Variants in SRL observed in about 807,000 individuals in gnomAD.
The protein encoded by SRL is sarcalumenin.
A neutral mutation model predicts 39.5 loss-of-function variants in SRL; 23 were observed. The ratio of observed to expected loss-of-function variants is 0.58; its 90% CI spans 0.42 to 0.82. The LOEUF (loss-of-function observed/expected upper bound fraction) is 0.82. Among genes scored for constraint, SRL ranks in the 40% least tolerant of loss-of-function variants. The probability of loss-of-function intolerance (pLI) is 0.00; values close to 1 mark genes in which losing one functional copy is unlikely to be tolerated. For synonymous variants in SRL, 272 were observed against 237.4 expected, an observed-to-expected ratio of 1.15 and a Z score of -1.34; for missense variants, 592 against 607.8, an observed-to-expected ratio of 0.97 and a Z score of 0.27.
At chr16:4,212,132 G>A (rs1247770381) in intron 1 of SRL, among the ~76,000 whole-genome samples, 2 of 152,190 alleles carry the variant, frequency 1.3e-5, no homozygotes, top group Admixed American at 6.5e-5. Context: ...GTGTGCATAT[G>A]TGTATGCACA....
chr16:4,232,400 C>G (rs2052668797), intron 1 of SRL, among the ~76,000 whole-genome samples: 1 of 152,194 alleles, frequency 6.6e-6, no homozygotes, highest in Non-Finnish European at 1.5e-5. Flanking sequence ...CTGGTGGACA[C>G]AGGGACACAG....
At chr16:4,209,533 C>T (rs556001132) in intron 1 of SRL, among the ~76,000 whole-genome samples, 2 of 152,190 alleles carry the variant, frequency 1.3e-5, no homozygotes, top group Non-Finnish European at 2.9e-5. Context: ...CCATCTCTCC[C>T]TCCCACAAAG....
chr16:4,219,806 G>A (rs185196514), intron 1 of SRL, among the ~76,000 whole-genome samples: 39 of 152,168 alleles, frequency 2.6e-4, no homozygotes, highest in Admixed American at 1.5e-3. Flanking sequence ...TTAGCTCCCT[G>A]CATTCAGCAT....
rs2052074007 is a variant in SRL at position 4,192,152 on chromosome 16, C to T, written c.*1G>A. On this transcript the variant is annotated 3_prime_UTR_variant, in exon 6 of 6. Transcript: ENST00000399609. The surrounding 1 kb of genome is among the most constrained non-coding windows in gnomAD (Gnocchi z 4.0). ...CAGGAACCCAAGGACCGCTCCACCA[C>T]CTAGTGCTTCCTGTAGCGATTTTTT... The T allele has an allele frequency of 1.3e-6, 2 of 1,545,382 alleles. No individual in the cohort carries two copies. The highest frequency in any genetic ancestry group is 1.4e-5 in the African/African-American group (1 of 72,654).
intron 1 of SRL, among the ~76,000 whole-genome samples, chr16:4,232,509 T>A (rs1029621325): frequency 1.3e-5 from 2 of 151,972 alleles, no homozygotes; most frequent in African/African-American, 4.8e-5. Flanking sequence ...TATTGCCATC[T>A]AGACGAATTT....
chr16:4,220,610 G>C (rs565472829), intron 1 of SRL, among the ~76,000 whole-genome samples: 12 of 152,300 alleles, frequency 7.9e-5, no homozygotes, highest in Non-Finnish European at 1.8e-4. Flanking sequence ...CAAGTTGCCT[G>C]GCTCCCTCTC....
intron 1 of SRL, 92 bp from the exon 2 acceptor site, chr16:4,204,726 G>T: frequency 1.9e-6 from 2 of 1,055,474 alleles, no homozygotes; most frequent in Non-Finnish European, 2.9e-6. Context: ...TGGGCCTCAA[G>T]CAGGGGCTCA....
At chr16:4,209,090 T>C (rs936034029) in intron 1 of SRL, among the ~76,000 whole-genome samples, 2 of 152,080 alleles carry the variant, frequency 1.3e-5, no homozygotes, top group African/African-American at 4.8e-5. Flanking sequence ...CTGGCCAACA[T>C]GGTGAAACCC....
chr16:4,238,656 G>A (rs1467738345), intron 1 of SRL, among the ~76,000 whole-genome samples: 2 of 147,904 alleles, frequency 1.4e-5, no homozygotes, highest in South Asian at 2.1e-4. Context: ...ACAAGGTCTC[G>A]CTCTGTCACC....
chr16:4,232,730 T>C (rs968726264), intron 1 of SRL, among the ~76,000 whole-genome samples: 3 of 152,216 alleles, frequency 2.0e-5, no homozygotes, highest in Non-Finnish European at 2.9e-5. Context: ...CAAGGTACTC[T>C]TGAACTCCTG....
At chr16:4,236,506 C>G (rs1042884108) in intron 1 of SRL, among the ~76,000 whole-genome samples, 1 of 152,008 alleles carries the variant, frequency 6.6e-6, no homozygotes, top group Non-Finnish European at 1.5e-5. Context: ...GACCTCAGAG[C>G]CTCCCTCTCA....
chr16:4,230,766 C>A (rs2052652518), intron 1 of SRL, among the ~76,000 whole-genome samples: 1 of 152,056 alleles, frequency 6.6e-6, no homozygotes, highest in African/African-American at 2.4e-5. Context: ...TAGGTGGGCC[C>A]TAAACCCAAC....
chr16:4,201,393 C>T (rs1027713140), intron 3 of SRL, among the ~76,000 whole-genome samples: 2 of 151,704 alleles, frequency 1.3e-5, no homozygotes, highest in Non-Finnish European at 2.9e-5. Context: ...TCTCGTACCT[C>T]AGCTTCCCCA....
chr16:4,228,087 A>C (rs2052612146), intron 1 of SRL, among the ~76,000 whole-genome samples: 1 of 152,204 alleles, frequency 6.6e-6, no homozygotes, highest in African/African-American at 2.4e-5. Context: ...TGCTGGTCTA[A>C]GGAGGGCAGC....
chr16:4,232,871 G>A (rs2052674401), intron 1 of SRL, among the ~76,000 whole-genome samples: 1 of 152,206 alleles, frequency 6.6e-6, no homozygotes, highest in Admixed American at 6.5e-5. Context: ...ATGACTACCT[G>A]AAGGAGGACC....
At chr16:4,196,421 C>G (rs2052143056) in intron 4 of SRL, among the ~76,000 whole-genome samples, 1 of 152,032 alleles carries the variant, frequency 6.6e-6, no homozygotes, top group Non-Finnish European at 1.5e-5. Flanking sequence ...TCCTCTTCCC[C>G]CAGTCCCTGG....
chr16:4,190,906 C>T lies in SRL; in HGVS notation c.*1247G>A, dbSNP rs2240668. On this transcript the variant is annotated 3_prime_UTR_variant, in exon 6 of 6. Coordinates refer to ENST00000399609, the MANE Select transcript of SRL (RefSeq NM_001098814.2). ...GCAACTCCGCTGCCAAGTGTTTCCA[C>T]AGGGGAGTTGTGGAAACAGCCTCCT... The T allele has an allele frequency of 0.84, 130,762 of 156,292 alleles. 55,300 individuals carry two copies. Among genetic ancestry groups the T allele is most frequent in the African/African-American group, 0.94 (39,039 of 41,718 alleles). 9.7% of individuals were successfully genotyped at this position (156,292 alleles called of 1,614,324 possible). A position where few individuals can be genotyped will look rare whatever the true frequency, so the allele number is the denominator to read the frequency against.
At chr16:4,241,873 G>A (rs960227042) in intron 1 of SRL, 134 bp downstream of exon 1, 4 of 886,552 alleles carry the variant, frequency 4.5e-6, no homozygotes. Flanking sequence ...GAAAAGAGAA[G>A]GGTAAGAAGA....
chr16:4,241,868 G>T lies in SRL; in HGVS notation c.61+139C>A, dbSNP rs980140057. The T allele has an allele frequency of 2.4e-5, 21 of 862,850 alleles. No homozygotes were observed. The African/African-American group carries it at 3.0e-4, about 13-fold the overall frequency. The allele number at this position is 862,850 out of a possible 1,614,324, so 53.4% of individuals were successfully genotyped here. ...TCTGAGGCCCCAGGCCCGGGGAAAA[G>T]AGAAGGGTAAGAAGACACCAGCCAA... On this transcript the variant is annotated intron_variant, in intron 1 of 5. Coordinates refer to ENST00000399609, the MANE Select transcript of SRL (RefSeq NM_001098814.2).
Sources: allele counts gnomAD v4.1 joint callset (sites outside exome capture counted in the v4.1 genomes callset), GRCh38; gene constraint gnomAD v4.1.1; non-coding constraint Gnocchi (gnomAD v3.1); transcripts MANE v1.5; gene names NCBI Gene and HGNC (gene_info 2026-07-23, HGNC 2026-07-21).